The following SLC9A3 variants were observed in gnomAD, a reference collection of about 807,000 sequenced individuals.
SLC9A3 encodes sodium/hydrogen exchanger 3.
A neutral mutation model predicts 86.8 loss-of-function variants in SLC9A3; 37 were observed. The observed-to-expected ratio is 0.43, with a 90% CI of 0.33 to 0.56. The LOEUF is 0.56. SLC9A3 is among the 20% of genes least tolerant of loss of function. SLC9A3 has a pLI of 0.06. For synonymous variants in SLC9A3, 581 were observed against 528.3 expected (o/e 1.10, Z -1.37); for missense variants, 1,011 against 1,171.9 (o/e 0.86, Z 2.00).
intron 16 of SLC9A3, among the ~76,000 whole-genome samples, chr5:473,608 GC>G (rs1318918490): frequency 6.6e-6 from 1 of 152,096 alleles, no homozygotes; most frequent in South Asian, 2.1e-4. Flanking sequence ...ACGTCCCCCC[GC>G]CGGGGGTCCC....
In SLC9A3 at chr5:522,354, G is replaced by A. The variant is rs114441615; in HGVS notation, c.211+1758C>T. On this transcript the variant is annotated intron_variant, in intron 1 of 16. Transcript: ENST00000264938. ...CCCTGGTCAGTGTGCCTTATCTGCC[G>A]GCTCCCAGGCGGGGCTGGCTGGTGC... is the stretch of plus-strand genomic sequence containing the variant. Among the ~76,000 whole-genome samples the A allele has an allele frequency of 2.2e-3, 338 of 152,354 alleles. 1 individual carries two copies. The highest frequency in any genetic ancestry group is 7.8e-3 in the African/African-American group (326 of 41,582).
rs183706873 is a variant in SLC9A3, at chr5:480,004, G to A, written c.1518-39C>T. On this transcript the variant is annotated intron_variant, in intron 9 of 16. Transcript: ENST00000264938. The stretch of plus-strand genomic sequence containing the variant: ...CCTTGGGTGTGAGCCTCAGGTGACA[G>A]GCGCCCTAGAGCCCGCCGGACGCGT... 1.2e-3 allele frequency: 1,843 copies of A among 1,599,600 alleles called. 21 individuals are homozygous for A. The African/African-American group carries it at 0.021, about 18-fold the overall frequency.
At chr5:489,735 C>T (rs371002644) in intron 2 of SLC9A3, among the ~76,000 whole-genome samples, 22 of 152,336 alleles carry the variant, frequency 1.4e-4, no homozygotes, top group Admixed American at 6.5e-4. Context: ...CATCTTTAAA[C>T]GCGGCCTCCT....
Position 475,675 on chromosome 5 carries a change from G to T in SLC9A3, c.2141-4C>A. On this transcript the variant is annotated splice_region_variant and splice_polypyrimidine_tract_variant and intron_variant, in intron 14 of 16. Coordinates refer to ENST00000264938, the MANE Select transcript of SLC9A3 (RefSeq NM_004174.4). ...TCGGTGTCTGAAAGTTCCAAGTCTG[G>T]GGAAGACAGGTTGGGGTGAGGACTG... 6.6e-7 allele frequency: 1 copy of T among 1,519,408 alleles called. No individual in the cohort carries two copies. Among genetic ancestry groups the T allele is most frequent in the Non-Finnish European group, 8.9e-7 (1 of 1,117,404 alleles). 94.1% of individuals were successfully genotyped at this position (1,519,408 alleles called of 1,614,324 possible). A position where few individuals can be genotyped will look rare whatever the true frequency, so the allele number is the denominator to read the frequency against.
Position 483,290 on chromosome 5 carries a change from C to T in SLC9A3, c.1125G>A (p.Leu375=), listed in dbSNP as rs777754025. The stretch of plus-strand genomic sequence containing the variant: ...TGGCCCGGTACACGGAGATGAAGAC[C>T]AGCGTCAGGAGCACGAAGGCCGTGT... ...TWNTAFVLLT[L]VFISVYRAIG... is the part of the protein sequence containing the mutation. The change falls in exon 6 of 17, where the codon CTG becomes CTA. Residue 375 remains leucine (L), a synonymous_variant. Transcript: ENST00000264938. 3.2e-6 allele frequency: 5 copies of T among 1,553,224 alleles called. No individual in the cohort carries two copies. Among genetic ancestry groups the T allele is most frequent in the Admixed American group, 1.9e-5 (1 of 52,128 alleles).
At chr5:517,265 T>TC in intron 1 of SLC9A3, among the ~76,000 whole-genome samples, 1 of 150,270 alleles carries the variant, frequency 6.7e-6, no homozygotes. Flanking sequence ...ACTCACTCAT[T>TC]CATCCATCCA....
Position 476,258 on chromosome 5 carries a change from G to A in SLC9A3, c.2011C>T (p.Leu671Phe), listed in dbSNP as rs1259272877. 1 of 1,613,966 alleles carries A rather than the reference G, an allele frequency of 6.2e-7. No individual in the cohort carries two copies. Among genetic ancestry groups the A allele is most frequent in the Admixed American group, 1.7e-5 (1 of 60,022 alleles). The change falls in exon 13 of 17, where the codon CTC becomes TTC. Residue 671 changes from leucine to phenylalanine, a missense_variant. Physicochemically the swap from Leu to Phe is conservative, Grantham distance 22. Around this residue, in one of 3 missense-constraint regions of SLC9A3, gnomAD observed 397 missense variants for 346.3 expected, o/e 1.15. Coordinates refer to ENST00000264938, the MANE Select transcript of SLC9A3 (RefSeq NM_004174.4). ...LESFKSTKLG[L>F]NQNKKAAKLY... The stretch of plus-strand genomic sequence containing the variant: ...TTGGCCGCCTTCTTGTTCTGGTTGA[G>A]CCCCAGCTTGGTCGACTTGAAGGAC...
At chr5:514,369 C>T (rs1456942147) in intron 1 of SLC9A3, among the ~76,000 whole-genome samples, 1 of 152,252 alleles carries the variant, frequency 6.6e-6, no homozygotes, top group African/African-American at 2.4e-5. Context: ...GAGGCCCAGC[C>T]TCCGGCCTGT....
At chr5:513,482 T>C (rs1425233936) in intron 1 of SLC9A3, among the ~76,000 whole-genome samples, 1 of 151,872 alleles carries the variant, frequency 6.6e-6, no homozygotes, top group Non-Finnish European at 1.5e-5. Flanking sequence ...GGATGCAGAG[T>C]TGGGCGGGAG....
At chr5:509,789 A>T (rs933542045) in intron 1 of SLC9A3, among the ~76,000 whole-genome samples, 12 of 152,126 alleles carry the variant, frequency 7.9e-5, no homozygotes, top group Non-Finnish European at 1.6e-4. Flanking sequence ...ACCAGGAATG[A>T]GGAAGGCCTC....
At chr5:483,687 G>A (rs1739329555) in intron 5 of SLC9A3, among the ~76,000 whole-genome samples, 1 of 152,236 alleles carries the variant, frequency 6.6e-6, no homozygotes, top group African/African-American at 2.4e-5. Flanking sequence ...TCACCGTCAT[G>A]CAGATAATGG....
intron 1 of SLC9A3, among the ~76,000 whole-genome samples, chr5:518,690 G>A (rs1733803854): frequency 6.6e-6 from 1 of 152,210 alleles, no homozygotes; most frequent in Non-Finnish European, 1.5e-5. Flanking sequence ...GGGTGGCCAC[G>A]CTGGGAGAGC....
rs775487237 is a variant in SLC9A3, at chr5:476,052, C to G, written c.2108G>C (p.Ser703Thr). The G allele has an allele frequency of 2.5e-6, 4 of 1,613,146 alleles. No individual in the cohort carries two copies. In the East Asian group the frequency reaches 8.9e-5, roughly 36 times the overall value. ...SIPNGKLPME[S>T]PAQNFTIKEK... ...CTTGATGGTGAAATTCTGCGCAGGGCTCTCCATGGGCAGCTTCCCATTGGG... is the reference window on the plus strand; with the variant it reads ...CTTGATGGTGAAATTCTGCGCAGGGGTCTCCATGGGCAGCTTCCCATTGGG... Residue 703 changes from serine to threonine, a missense_variant, in exon 14 of 17, where the codon AGC (serine) becomes ACC (threonine). By Grantham distance (58) the Ser-to-Thr change is moderately conservative (BLOSUM62 1). Around this residue, in one of 3 missense-constraint regions of SLC9A3, gnomAD observed 397 missense variants for 346.3 expected, o/e 1.15. Coordinates refer to ENST00000264938, the MANE Select transcript of SLC9A3 (RefSeq NM_004174.4).
rs759493437 is a variant in SLC9A3 at position 475,048 on chromosome 5, T to G, written c.2336A>C (p.Glu779Ala). The change falls in exon 16 of 17, where the codon GAG (glutamate) becomes GCG (alanine). Residue 779 changes from glutamate (E) to alanine (A), a missense_variant. This residue lies in a region of SLC9A3 where 397 missense variants were observed against 346.3 expected (regional missense o/e 1.15). Coordinates refer to ENST00000264938, the MANE Select transcript of SLC9A3 (RefSeq NM_004174.4). ...ARLPPWLSPG[E>A]TVVPSQRART... is the part of the protein sequence containing the mutation. ...GGCCCTCTGCGAGGGGACCACCGTC[T>G]CCCCGGGAGACAGCCAGGGCGGCAG... 6.2e-7 allele frequency: 1 copy of G among 1,612,062 alleles called. No homozygotes were observed. Among genetic ancestry groups the G allele is most frequent in the Non-Finnish European group, 8.5e-7 (1 of 1,179,692 alleles).
rs1463556531 is a variant in SLC9A3 at position 473,048 on chromosome 5, G to A, written c.*331C>T. ...GCGACGCCAGCTTCAGCAGCGCGGG[G>A]CGGCGGCGCGCGCGAGGCCGCTGGA... On this transcript the variant is annotated 3_prime_UTR_variant, in exon 17 of 17. Transcript: ENST00000264938. 3.0e-6 allele frequency: 1 copy of A among 334,764 alleles called. No homozygotes were observed. Among genetic ancestry groups the A allele is most frequent in the Non-Finnish European group, 5.4e-6 (1 of 186,006 alleles). 20.7% of individuals were successfully genotyped at this position (334,764 alleles called of 1,614,324 possible).
intron 2 of SLC9A3, among the ~76,000 whole-genome samples, chr5:488,812 C>T (rs116788896): frequency 0.014 from 2,188 of 152,260 alleles, 43 homozygotes; most frequent in African/African-American, 0.049. Flanking sequence ...CCTGGAGTGG[C>T]GTCCCAGCCC....
intron 1 of SLC9A3, among the ~76,000 whole-genome samples, chr5:516,282 G>A (rs1207623804): frequency 5.9e-5 from 9 of 151,796 alleles, no homozygotes; most frequent in South Asian, 2.1e-4. Flanking sequence ...CCTACAGGGC[G>A]TGATGGGCAC....
intron 1 of SLC9A3, among the ~76,000 whole-genome samples, chr5:521,204 T>C (rs1233137522): frequency 6.6e-6 from 1 of 152,214 alleles, no homozygotes. Flanking sequence ...TGCACACAAA[T>C]AGGGGGCTTG....
intron 1 of SLC9A3, among the ~76,000 whole-genome samples, chr5:514,000 C>A (rs948319526): frequency 9.9e-5 from 15 of 152,202 alleles, no homozygotes; most frequent in Admixed American, 1.3e-4. Flanking sequence ...TGAAGAGATT[C>A]CCCCACTGTG....
Sources: allele counts gnomAD v4.1 joint callset (sites outside exome capture counted in the v4.1 genomes callset), GRCh38; gene constraint gnomAD v4.1.1; regional missense constraint gnomAD v4.1.1; transcripts MANE v1.5; gene names NCBI Gene and HGNC (gene_info 2026-07-23, HGNC 2026-07-21).